ASB3: variants seen among roughly 807,000 people sequenced by gnomAD.
ASB3 encodes ankyrin repeat and SOCS box protein 3.
ASB3 carries 41 observed loss-of-function variants against 54.5 expected under a neutral mutation model. That is an observed-to-expected ratio of 0.75 (90% CI 0.59 to 0.98). The LOEUF is 0.98. Among genes scored for constraint, ASB3 ranks in the 50% least tolerant of loss-of-function variants. ASB3 has a pLI of 0.00. For synonymous variants in ASB3, 266 were observed against 221.2 expected (o/e 1.20, Z -1.80); for missense variants, 733 against 620.0 (o/e 1.18, Z -1.94).
chr2:53,672,672 T>C (rs1400555545), intron 9 of ASB3, among the ~76,000 whole-genome samples: 1 of 152,180 alleles, frequency 6.6e-6, no homozygotes, highest in Non-Finnish European at 1.5e-5. Context: ...GCAACATCTA[T>C]GGCTTGCAGT....
Position 53,670,441 on chromosome 2 carries a change from G to A in ASB3, c.*62C>T. ...AAATCATAAAAACTTGTACTCTGTG[G>A]CTCTTTTGTCTCGATGATTTTTCAG... On this transcript the variant is annotated 3_prime_UTR_variant, in exon 10 of 10. Coordinates refer to ENST00000263634, the MANE Select transcript of ASB3 (RefSeq NM_016115.5). 1 of 1,543,028 alleles carries A rather than the reference G, an allele frequency of 6.5e-7. No homozygotes were observed. Among genetic ancestry groups the A allele is most frequent in the Non-Finnish European group, 8.8e-7 (1 of 1,141,898 alleles).
chr2:53,734,737 A>G (rs1671517869), intron 3 of ASB3, among the ~76,000 whole-genome samples: 1 of 152,046 alleles, frequency 6.6e-6, no homozygotes, highest in Non-Finnish European at 1.5e-5. Flanking sequence ...TAAATTCCCC[A>G]TATTTCTCTA....
At chr2:53,697,945 C>G (rs1669276720) in intron 8 of ASB3, among the ~76,000 whole-genome samples, 1 of 152,194 alleles carries the variant, frequency 6.6e-6, no homozygotes, top group East Asian at 1.9e-4. Context: ...CTCTACAGTC[C>G]TGAGGTCTCA....
chr2:53,708,751 C>A (rs1669930029), intron 7 of ASB3, among the ~76,000 whole-genome samples: 1 of 152,198 alleles, frequency 6.6e-6, no homozygotes, highest in Non-Finnish European at 1.5e-5. Context: ...TAGCAAAGAA[C>A]CTGAATGCAC....
chr2:53,712,776 G>C (rs576157736), intron 7 of ASB3, among the ~76,000 whole-genome samples: 1 of 151,998 alleles, frequency 6.6e-6, no homozygotes, highest in Non-Finnish European at 1.5e-5. Flanking sequence ...ACAGGCGCGC[G>C]CGCGCGCGCA....
intron 2 of ASB3, among the ~76,000 whole-genome samples, chr2:53,761,974 A>T (rs552147788): frequency 6.6e-6 from 1 of 152,254 alleles, no homozygotes; most frequent in Admixed American, 6.5e-5. Flanking sequence ...CTCTACCATG[A>T]AATACTACAC....
chr2:53,767,683 C>T (rs17045203), intron 1 of ASB3: 52,542 of 613,308 alleles, frequency 0.086, 2,758 homozygotes, highest in Admixed American at 0.14. Flanking sequence ...CTCTTGACAC[C>T]CTAATCAAGG....
At chr2:53,724,404 C>G (rs1670876663) in intron 5 of ASB3, among the ~76,000 whole-genome samples, 1 of 152,110 alleles carries the variant, frequency 6.6e-6, no homozygotes, top group Non-Finnish European at 1.5e-5. Context: ...CAAGACCATC[C>G]TGGCTAACAC....
At chr2:53,708,072 C>T (rs1669889624) in intron 7 of ASB3, among the ~76,000 whole-genome samples, 1 of 152,098 alleles carries the variant, frequency 6.6e-6, no homozygotes, top group African/African-American at 2.4e-5. Context: ...GTGTCCCCAC[C>T]CAAATCTCAT....
At chr2:53,671,958 G>C (rs1310170303) in intron 9 of ASB3, among the ~76,000 whole-genome samples, 4 of 152,128 alleles carry the variant, frequency 2.6e-5, no homozygotes, top group East Asian at 3.8e-4. Flanking sequence ...GTACTATCAA[G>C]AGCACAGCTG....
chr2:53,699,358 G>C lies in ASB3; in HGVS notation c.1238+913C>G, dbSNP rs564036348. 8.5e-5 allele frequency among the ~76,000 whole-genome samples: 13 copies of C among 152,296 alleles called. No homozygotes were observed. In the South Asian group the frequency reaches 2.3e-3, roughly 27 times the overall value. ...AAACCACAGCAGTAGGTATCAGACA[G>C]TTTCTATGTTTTGGTTACAGAAATA... On this transcript the variant is annotated intron_variant, in intron 8 of 9. Transcript: ENST00000263634.
At chr2:53,760,362 G>C (rs1673074826) in intron 2 of ASB3, among the ~76,000 whole-genome samples, 1 of 152,176 alleles carries the variant, frequency 6.6e-6, no homozygotes, top group Non-Finnish European at 1.5e-5. Context: ...AGAGGTGGCA[G>C]TTTTACACTG....
At chr2:53,778,636 T>A (rs1214736638) in intron 1 of ASB3, among the ~76,000 whole-genome samples, 1 of 152,226 alleles carries the variant, frequency 6.6e-6, no homozygotes, top group African/African-American at 2.4e-5. Context: ...GCACATATGT[T>A]GTTTGTCTGC....
intron 5 of ASB3, among the ~76,000 whole-genome samples, chr2:53,724,199 T>C (rs6730006): frequency 0.17 from 25,262 of 152,192 alleles, 2,165 homozygotes; most frequent in South Asian, 0.23. Flanking sequence ...TAGGTATCTT[T>C]ATAGATTCTG....
At position 53,670,405 on chromosome 2, in the gene ASB3, T is replaced by C. The variant is rs929706577; in HGVS notation, c.*98A>G. 2 of 1,386,026 alleles carry C rather than the reference T, an allele frequency of 1.4e-6. No individual in the cohort carries two copies. Among genetic ancestry groups the C allele is most frequent in the Admixed American group, 5.8e-5 (2 of 34,694 alleles). The allele number at this position is 1,386,026 out of a possible 1,614,324, so 85.9% of individuals were successfully genotyped here. On this transcript the variant is annotated 3_prime_UTR_variant, in exon 10 of 10. Coordinates refer to ENST00000263634, the MANE Select transcript of ASB3 (RefSeq NM_016115.5). ...ACCTATCTCACAATCAATAATCATC[T>C]TTTGACTATAAAATCATAAAAACTT...
chr2:53,774,611 T>C (rs1037167113), intron 1 of ASB3: 32 of 990,116 alleles, frequency 3.2e-5, no homozygotes, highest in Admixed American at 5.9e-5. Flanking sequence ...TTTAATGTAG[T>C]GAGGATATTA....
chr2:53,699,108 C>A (rs191410214), intron 8 of ASB3, among the ~76,000 whole-genome samples: 1 of 152,262 alleles, frequency 6.6e-6, no homozygotes, highest in East Asian at 1.9e-4. Context: ...TGATGAGGGC[C>A]TTCTTGCTGT....
chr2:53,683,124 G>A (rs924113616), intron 9 of ASB3, among the ~76,000 whole-genome samples: 1 of 152,056 alleles, frequency 6.6e-6, no homozygotes, highest in Non-Finnish European at 1.5e-5. Flanking sequence ...TGTCATAAAC[G>A]GTGTTTACTG....
chr2:53,726,621 C>T (rs1007174913), intron 5 of ASB3, among the ~76,000 whole-genome samples: 1 of 150,762 alleles, frequency 6.6e-6, no homozygotes, highest in Non-Finnish European at 1.5e-5. Flanking sequence ...TATATACACA[C>T]ATATATATAT....
Sources: gnomAD v4.1 joint callset for allele counts (sites outside exome capture counted in the v4.1 genomes callset) on GRCh38, gnomAD v4.1.1 for gene constraint, MANE v1.5 for transcripts, NCBI Gene and HGNC (gene_info 2026-07-23, HGNC 2026-07-21) for gene names.